BRD10: variants seen among roughly 807,000 people sequenced by gnomAD.
BRD10 encodes the protein bromodomain containing 10, also known as uncharacterized bromodomain-containing protein 10.
At chr9:5,890,048 T>C in the BRD10 span, among the ~76,000 whole-genome samples, 2 of 151,912 alleles carry the variant, frequency 1.3e-5, no homozygotes, top group Admixed American at 6.6e-5. Flanking sequence ...ATTATGAGAG[T>C]CTGGGACTAG....
the BRD10 span, chr9:5,922,773 G>A: frequency 1.9e-6 from 3 of 1,613,926 alleles, no homozygotes; most frequent in Non-Finnish European, 1.7e-6. Flanking sequence ...AGATCTATTG[G>A]CAACCACTGG....
the BRD10 span, chr9:6,007,571 G>A: frequency 6.2e-7 from 1 of 1,610,314 alleles, no homozygotes; most frequent in Non-Finnish European, 8.5e-7. Context: ...GTCAGCTCCT[G>A]CTCCTTGCAG....
At chr9:5,990,659 A>T in the BRD10 span, among the ~76,000 whole-genome samples, 12 of 152,230 alleles carry the variant, frequency 7.9e-5, 1 homozygote, top group Non-Finnish European at 2.9e-5. Context: ...ATTACTCATA[A>T]TTAAAAGAAA....
the BRD10 span, among the ~76,000 whole-genome samples, chr9:5,908,275 C>T: frequency 6.6e-6 from 1 of 152,098 alleles, no homozygotes; most frequent in Non-Finnish European, 1.5e-5. Context: ...TATCAATGTG[C>T]CTTTAGACAC....
the BRD10 span, chr9:5,944,853 T>G: frequency 6.7e-5 from 91 of 1,353,370 alleles, no homozygotes; most frequent in Non-Finnish European, 9.0e-5. Context: ...TAGATAGAAC[T>G]TTTGGATCAA....
the BRD10 span, among the ~76,000 whole-genome samples, chr9:5,892,195 T>G: frequency 6.6e-6 from 1 of 152,326 alleles, no homozygotes; most frequent in Non-Finnish European, 1.5e-5. Flanking sequence ...AACTTGCAAG[T>G]CTTTTTTGCT....
chr9:5,967,893 C>A, the BRD10 span: 1 of 603,790 alleles, frequency 1.7e-6, no homozygotes, highest in South Asian at 2.4e-5. Flanking sequence ...AAAATTTGAC[C>A]CTCAAATATA....
chr9:5,943,560 A>C, the BRD10 span, among the ~76,000 whole-genome samples: 15 of 151,534 alleles, frequency 9.9e-5, no homozygotes, highest in East Asian at 1.9e-4. Context: ...AAAAAAAAAA[A>C]CCCTCTGGCT....
chr9:5,923,080 G>C, the BRD10 span: 1 of 1,613,978 alleles, frequency 6.2e-7, no homozygotes, highest in African/African-American at 1.3e-5. Context: ...CACTGAAACA[G>C]TCAATCTGCA....
chr9:5,944,053 A>G, the BRD10 span, among the ~76,000 whole-genome samples: 1 of 152,162 alleles, frequency 6.6e-6, no homozygotes, highest in African/African-American at 2.4e-5. Flanking sequence ...TTTTATACAT[A>G]TTTATATTAA....
chr9:5,938,116 T>C, the BRD10 span, among the ~76,000 whole-genome samples: 1 of 152,146 alleles, frequency 6.6e-6, no homozygotes, highest in African/African-American at 2.4e-5. Context: ...ATAAACAGCT[T>C]GAAAATAAAA....
the BRD10 span, among the ~76,000 whole-genome samples, chr9:5,949,546 G>A: frequency 1.3e-5 from 2 of 152,150 alleles, no homozygotes; most frequent in East Asian, 1.9e-4. Flanking sequence ...TGAAAACAAT[G>A]TAATATAAGT....
chr9:5,907,995 C>T, the BRD10 span, among the ~76,000 whole-genome samples: 1 of 152,016 alleles, frequency 6.6e-6, no homozygotes, highest in South Asian at 2.1e-4. Context: ...GTGGCTTGTA[C>T]CATATTTCTA....
At chr9:5,968,761 C>A in the BRD10 span, 1 of 1,613,892 alleles carries the variant, frequency 6.2e-7, no homozygotes, top group East Asian at 2.2e-5. Flanking sequence ...ATTCTGGGGC[C>A]TGAAAGGGTC....
chr9:5,891,035 C>A, the BRD10 span: 1 of 152,220 alleles, frequency 6.6e-6, no homozygotes, highest in Non-Finnish European at 1.5e-5. Flanking sequence ...CATTGCCCCG[C>A]TGATGTGTGA....
the BRD10 span, among the ~76,000 whole-genome samples, chr9:5,943,674 A>G: frequency 6.6e-6 from 1 of 152,132 alleles, no homozygotes; most frequent in African/African-American, 2.4e-5. Context: ...CTGCCTATAC[A>G]CCTAAAGTGT....
At chr9:5,953,084 T>C in the BRD10 span, among the ~76,000 whole-genome samples, 6 of 152,270 alleles carry the variant, frequency 3.9e-5, no homozygotes, top group African/African-American at 9.6e-5. Flanking sequence ...CTCTCCAAAA[T>C]AGAATTTTTA....
chr9:5,986,747 G>A, the BRD10 span, among the ~76,000 whole-genome samples: 2 of 152,052 alleles, frequency 1.3e-5, no homozygotes, highest in African/African-American at 4.8e-5. Context: ...TTTAACAGAG[G>A]GTTTTCCTCC....
chr9:5,886,099 C>T, the BRD10 span, among the ~76,000 whole-genome samples: 2 of 152,206 alleles, frequency 1.3e-5, no homozygotes, highest in Non-Finnish European at 2.9e-5. Context: ...TCGTTTGTAG[C>T]AATACCTCTG....
Sources: gnomAD v4.1 joint callset for allele counts (sites outside exome capture counted in the v4.1 genomes callset) on GRCh38, gnomAD v4.1.1 for gene constraint, MANE v1.5 for transcripts, NCBI Gene and HGNC (gene_info 2026-07-23, HGNC 2026-07-21) for gene names.